PTGES: variants seen among roughly 807,000 people sequenced by gnomAD.
PTGES encodes MGST1-like 1.
In PTGES, 3 loss-of-function variants were observed where a neutral mutation model predicts 11.8. That is an observed-to-expected ratio of 0.25 (90% CI 0.12 to 0.66). The LOEUF (loss-of-function observed/expected upper bound fraction) is 0.66. PTGES is among the 30% of genes least tolerant of loss of function. The pLI is 0.82. For synonymous variants in PTGES, 94 were observed against 90.4 expected, an observed-to-expected ratio of 1.04 and a Z score of -0.22; for missense variants, 180 against 213.0, an observed-to-expected ratio of 0.85 and a Z score of 0.96.
intron 1 of PTGES, among the ~76,000 whole-genome samples, chr9:129,750,819 G>A (rs961366430): frequency 4.6e-5 from 7 of 152,222 alleles, no homozygotes; most frequent in Admixed American, 3.9e-4. Flanking sequence ...CAGGCTGGTG[G>A]GTGGAGGAGC....
At chr9:129,744,803 G>A (rs182698706) in intron 2 of PTGES, among the ~76,000 whole-genome samples, 1 of 151,784 alleles carries the variant, frequency 6.6e-6, no homozygotes, top group African/African-American at 2.4e-5. Flanking sequence ...CTTGAACCCG[G>A]GAGGCGGAGG....
intron 2 of PTGES, among the ~76,000 whole-genome samples, chr9:129,742,435 C>T (rs909163161): frequency 3.9e-5 from 6 of 151,942 alleles, no homozygotes; most frequent in African/African-American, 1.5e-4. Context: ...TAGAGGGACA[C>T]CCTTGGAAAA....
chr9:129,739,531 G>C lies in PTGES; in HGVS notation c.*80C>G. 6.7e-7 allele frequency: 1 copy of C among 1,485,798 alleles called. No homozygotes were observed. The highest frequency in any genetic ancestry group is 2.2e-5 in the Admixed American group (1 of 44,834). 92.0% of individuals were successfully genotyped at this position (1,485,798 alleles called of 1,614,324 possible). On this transcript the variant is annotated 3_prime_UTR_variant, in exon 3 of 3. Coordinates refer to ENST00000340607, the MANE Select transcript of PTGES (RefSeq NM_004878.5). This position sits in a 1 kb window ranked among gnomAD's most constrained non-coding sequence, Gnocchi z 5.7. ...AGGACTCAGGGCCCACCACAATCTGGAAGGAACATCAAGTCCCCAGGTATA... is the reference window on the plus strand; with the variant it reads ...AGGACTCAGGGCCCACCACAATCTGCAAGGAACATCAAGTCCCCAGGTATA...
In PTGES at chr9:129,753,013, C is replaced by G. The variant is rs751649391; in HGVS notation, c.-1G>C. The G allele has an allele frequency of 6.2e-7, 1 of 1,603,476 alleles. No homozygotes were observed. Among genetic ancestry groups the G allele is most frequent in the Non-Finnish European group, 8.5e-7 (1 of 1,179,446 alleles). ...TCATCACCAGGCTGTGGGCAGGCAT[C>G]TCTGGCCAGCGCAGCTCAACTGTGG... is the stretch of plus-strand genomic sequence containing the variant. On this transcript the variant is annotated 5_prime_UTR_variant, in exon 1 of 3. Transcript: ENST00000340607.
At chr9:129,752,329 C>G (rs952057652) in intron 1 of PTGES, among the ~76,000 whole-genome samples, 1 of 152,218 alleles carries the variant, frequency 6.6e-6, no homozygotes, top group Non-Finnish European at 1.5e-5. Context: ...CCCGGCCCAG[C>G]TCTGGGACTC....
chr9:129,751,300 G>C (rs897268851), intron 1 of PTGES, among the ~76,000 whole-genome samples: 2 of 148,936 alleles, frequency 1.3e-5, no homozygotes, highest in African/African-American at 5.0e-5. Flanking sequence ...TCCAGCCTGG[G>C]CCACAGAGCA....
At chr9:129,751,893 A>G (rs1270282602) in intron 1 of PTGES, among the ~76,000 whole-genome samples, 2 of 152,330 alleles carry the variant, frequency 1.3e-5, no homozygotes, top group East Asian at 1.9e-4. Flanking sequence ...GAAGGATTCA[A>G]TGAGTGAATG....
At chr9:129,740,499 G>A (rs188951194) in intron 2 of PTGES, among the ~76,000 whole-genome samples, 5 of 152,090 alleles carry the variant, frequency 3.3e-5, no homozygotes, top group East Asian at 3.9e-4. Flanking sequence ...AACAAGATCC[G>A]CTCCCACTCA....
At chr9:129,742,423 A>C (rs983314787) in intron 2 of PTGES, among the ~76,000 whole-genome samples, 4 of 151,820 alleles carry the variant, frequency 2.6e-5, no homozygotes, top group African/African-American at 9.7e-5. Context: ...CTACAGGCTG[A>C]TTAGAGGGAC....
intron 1 of PTGES, 74 bp from the exon 2 acceptor site, chr9:129,748,811 G>A: frequency 3.1e-6 from 4 of 1,307,192 alleles, no homozygotes; most frequent in Non-Finnish European, 4.3e-6. Context: ...TTTTGTCCAT[G>A]ACCAGAGTTC....
At chr9:129,743,369 G>A (rs1168385491) in intron 2 of PTGES, among the ~76,000 whole-genome samples, 1 of 152,138 alleles carries the variant, frequency 6.6e-6, no homozygotes, top group Non-Finnish European at 1.5e-5. Flanking sequence ...AGGCAGGCAC[G>A]TACCACAGAC....
chr9:129,748,595 A>C, intron 2 of PTGES, 60 bp downstream of exon 2: 1 of 1,371,396 alleles, frequency 7.3e-7, no homozygotes, highest in Admixed American at 3.1e-5. Context: ...TGTGCAGAAG[A>C]AGTTCTGAAA....
At chr9:129,747,474 G>C (rs45579531) in intron 2 of PTGES, among the ~76,000 whole-genome samples, 3,814 of 152,204 alleles carry the variant, frequency 0.025, 157 homozygotes, top group African/African-American at 0.086. Context: ...AATTGACCAG[G>C]GGGATGTTAA....
In PTGES at chr9:129,739,483, G is replaced by A. The variant is rs530542921; in HGVS notation, c.*128C>T. 13 of 1,319,650 alleles carry A rather than the reference G, an allele frequency of 9.9e-6. No individual in the cohort carries two copies. Among genetic ancestry groups the A allele is most frequent in the East Asian group, 5.1e-5 (2 of 39,518 alleles). 81.7% of individuals were successfully genotyped at this position (1,319,650 alleles called of 1,614,324 possible). ...GCCCACTGTGCCCAGAGACCCACAC[G>A]CGCAGCAGGCTGCCAGGAAACCAGG... On this transcript the variant is annotated 3_prime_UTR_variant, in exon 3 of 3. Coordinates refer to ENST00000340607, the MANE Select transcript of PTGES (RefSeq NM_004878.5). This position sits in a 1 kb window ranked among gnomAD's most constrained non-coding sequence, Gnocchi z 5.7.
intron 2 of PTGES, among the ~76,000 whole-genome samples, chr9:129,741,392 C>G (rs529012593): frequency 2.5e-4 from 38 of 152,308 alleles, no homozygotes; most frequent in Non-Finnish European, 1.0e-4. Flanking sequence ...AGATCTTTCT[C>G]AGGCCAAACT....
rs1832953911 is a variant in PTGES, at chr9:129,738,372, C to A, written c.*1239G>T. ...GCTGGCAGACACTTCCATTTAATGA[C>A]TAAAAATCACACATCTCAGGTCACG... On this transcript the variant is annotated 3_prime_UTR_variant, in exon 3 of 3. Coordinates refer to ENST00000340607, the MANE Select transcript of PTGES (RefSeq NM_004878.5). This position sits in a 1 kb window ranked among gnomAD's most constrained non-coding sequence, Gnocchi z 4.2. The A allele has an allele frequency of 6.6e-6, 1 of 151,302 alleles. No homozygotes were observed. The highest frequency in any genetic ancestry group is 2.1e-4 in the South Asian group (1 of 4,798). 9.4% of individuals were successfully genotyped at this position (151,302 alleles called of 1,614,324 possible).
rs1304457542 is a variant in PTGES, at chr9:129,745,351, C to T, written c.209+3304G>A. 2.6e-5 allele frequency among the ~76,000 whole-genome samples: 4 copies of T among 152,216 alleles called. No homozygotes were observed. Among genetic ancestry groups the T allele is most frequent in the Non-Finnish European group, 5.9e-5 (4 of 68,042 alleles). On this transcript the variant is annotated intron_variant, in intron 2 of 2. Coordinates refer to ENST00000340607, the MANE Select transcript of PTGES (RefSeq NM_004878.5). This position sits in a 1 kb window ranked among gnomAD's most constrained non-coding sequence, Gnocchi z 4.2. ...CATGTGCTAACCTGCAAGGCAGATT[C>T]ATGCTCCAAGAACCAAGACTGAAGT...
At chr9:129,742,458 T>A (rs1833006706) in intron 2 of PTGES, among the ~76,000 whole-genome samples, 1 of 152,114 alleles carries the variant, frequency 6.6e-6, no homozygotes, top group Non-Finnish European at 1.5e-5. Flanking sequence ...CATTTTTGAT[T>A]ATGTCCCAAA....
rs1833044372 is a variant in PTGES, at chr9:129,745,859, GTC to G, written c.209+2794_209+2795del. 6.6e-6 allele frequency among the ~76,000 whole-genome samples: 1 copy of G among 151,814 alleles called. No homozygotes were observed. The highest frequency in any genetic ancestry group is 1.5e-5 in the Non-Finnish European group (1 of 67,958). ...AGCCTGGCCAACATGGTGAAACTCTGTCTCTACTAAAAAAAAAATACAAAAAT... is the reference window on the plus strand; with the variant it reads ...AGCCTGGCCAACATGGTGAAACTCTGTCTACTAAAAAAAAAATACAAAAAT... On this transcript the variant is annotated intron_variant, in intron 2 of 2. Coordinates refer to ENST00000340607, the MANE Select transcript of PTGES (RefSeq NM_004878.5). This position sits in a 1 kb window ranked among gnomAD's most constrained non-coding sequence, Gnocchi z 4.2.
Sources: allele counts gnomAD v4.1 joint callset (sites outside exome capture counted in the v4.1 genomes callset), GRCh38; gene constraint gnomAD v4.1.1; non-coding constraint Gnocchi (gnomAD v3.1); transcripts MANE v1.5; gene names NCBI Gene and HGNC (gene_info 2026-07-23, HGNC 2026-07-21).